The following POR variants were observed in gnomAD, a reference collection of about 807,000 sequenced individuals.
POR encodes the protein cytochrome p450 oxidoreductase, also known as NADPH--cytochrome P450 reductase.
In POR, 56 loss-of-function variants were observed where a neutral mutation model predicts 84.0. The ratio of observed to expected loss-of-function variants is 0.67; its 90% confidence interval spans 0.54 to 0.83. POR has a LOEUF of 0.83. Among genes scored for constraint, POR ranks in the 40% least tolerant of loss-of-function variants. The pLI is 0.00. For synonymous variants in POR, 414 were observed against 400.5 expected (o/e 1.03, Z -0.40); for missense variants, 938 against 944.3 (o/e 0.99, Z 0.09).
chr7:75,954,372 G>A (rs1787589546), intron 2 of POR, among the ~76,000 whole-genome samples, 192 bp downstream of exon 2: 1 of 152,058 alleles, frequency 6.6e-6, no homozygotes, highest in South Asian at 2.1e-4. Context: ...GGTTTATAAG[G>A]CCCTTTTCTA....
chr7:75,954,207 C>T, intron 2 of POR, 27 bp downstream of exon 2: 1 of 1,573,702 alleles, frequency 6.4e-7, no homozygotes, highest in Non-Finnish European at 8.7e-7. Flanking sequence ...AGCCTCCTCT[C>T]TCTGTCCCTC....
chr7:75,953,189 C>T (rs577547010), intron 1 of POR, among the ~76,000 whole-genome samples: 1 of 152,070 alleles, frequency 6.6e-6, no homozygotes, highest in Admixed American at 6.5e-5. Flanking sequence ...CGTGGCGGCG[C>T]GCGCCTGCAA....
intron 4 of POR, 49 bp from the exon 5 acceptor site, chr7:75,980,290 G>C (rs72555503): frequency 6.3e-7 from 1 of 1,587,140 alleles, no homozygotes. Flanking sequence ...GTTGAACCTT[G>C]AACAGGCTCA....
chr7:75,980,136 C>T (rs994915556), intron 4 of POR, among the ~76,000 whole-genome samples: 6 of 152,352 alleles, frequency 3.9e-5, no homozygotes, highest in East Asian at 3.9e-4. Flanking sequence ...CAGCCTAACA[C>T]GGGTGACCTT....
At chr7:75,919,374 T>TGTGC (rs1318431111) in intron 1 of POR, among the ~76,000 whole-genome samples, 4 of 147,840 alleles carry the variant, frequency 2.7e-5, no homozygotes, top group South Asian at 2.2e-4. Context: ...TGTCTGCATC[T>TGTGC]GTGCGTGCGT....
chr7:75,945,017 G>C (rs1350478595), intron 1 of POR, among the ~76,000 whole-genome samples: 1 of 152,156 alleles, frequency 6.6e-6, no homozygotes, highest in Non-Finnish European at 1.5e-5. Context: ...GCCGGGCACG[G>C]TGGCTCACTC....
At chr7:75,945,567 G>A (rs540080714) in intron 1 of POR, among the ~76,000 whole-genome samples, 6 of 152,070 alleles carry the variant, frequency 3.9e-5, no homozygotes, top group Non-Finnish European at 7.4e-5. Context: ...TGTGGGTTGC[G>A]CTGTCAGGCA....
At chr7:75,967,975 A>G (rs1788258733) in intron 2 of POR, 1 of 450,838 alleles carries the variant, frequency 2.2e-6, no homozygotes, top group Non-Finnish European at 4.5e-6. Flanking sequence ...AGTACGGAAC[A>G]GGGGATGCAC....
intron 2 of POR, among the ~76,000 whole-genome samples, chr7:75,959,546 CTG>C (rs1787840934): frequency 6.6e-6 from 1 of 152,206 alleles, no homozygotes; most frequent in Admixed American, 6.5e-5. Context: ...ACCTCTGCCT[CTG>C]GGGCTCAAGC....
chr7:75,935,512 C>T, intron 1 of POR, among the ~76,000 whole-genome samples: 1 of 151,814 alleles, frequency 6.6e-6, no homozygotes, highest in Non-Finnish European at 1.5e-5. Context: ...TCCCAAAGTG[C>T]TGGGATTATA....
At chr7:75,932,561 TTTTTAAAAACAG>T (rs1339033017) in intron 1 of POR, among the ~76,000 whole-genome samples, 1 of 150,828 alleles carries the variant, frequency 6.6e-6, no homozygotes, top group East Asian at 1.9e-4. Context: ...TTTCATGACT[TTTTTAAAAACAG>T]TTTTAATTTT....
intron 1 of POR, among the ~76,000 whole-genome samples, chr7:75,943,153 G>A (rs577931725): frequency 1.8e-4 from 27 of 152,070 alleles, no homozygotes; most frequent in African/African-American, 4.1e-4. Context: ...GGGTTTCACC[G>A]TGTTAGCCAG....
At chr7:75,944,260 C>CT (rs1787079572) in intron 1 of POR, among the ~76,000 whole-genome samples, 1 of 152,202 alleles carries the variant, frequency 6.6e-6, no homozygotes, top group Admixed American at 6.5e-5. Flanking sequence ...GGTGCAATGG[C>CT]TTACACCTGT....
At chr7:75,975,075 G>A (rs1788615421) in intron 3 of POR, among the ~76,000 whole-genome samples, 1 of 151,988 alleles carries the variant, frequency 6.6e-6, no homozygotes. Flanking sequence ...TCACCTATAT[G>A]ATTCTTTCTT....
intron 3 of POR, chr7:75,972,902 A>G: frequency 4.2e-6 from 1 of 235,480 alleles, no homozygotes; most frequent in East Asian, 1.1e-4. Flanking sequence ...GGTTCACTGC[A>G]AGCTCCACCT....
At chr7:75,940,816 C>A (rs191494582) in intron 1 of POR, among the ~76,000 whole-genome samples, 1 of 151,904 alleles carries the variant, frequency 6.6e-6, no homozygotes, top group African/African-American at 2.4e-5. Context: ...TAGGCACTCT[C>A]ATAATGGTGA....
At chr7:75,931,501 G>T (rs1311377957) in intron 1 of POR, among the ~76,000 whole-genome samples, 2 of 151,858 alleles carry the variant, frequency 1.3e-5, no homozygotes, top group Non-Finnish European at 2.9e-5. Context: ...CGAGTAGCTG[G>T]GATTACAGGC....
chr7:75,985,961 C>T lies in POR; in HGVS notation c.1708C>T (p.Arg570Cys), dbSNP rs782473648. 2.5e-5 allele frequency: 40 copies of T among 1,588,028 alleles called. 1 individual carries two copies. The East Asian group carries it at 3.2e-4, about 13-fold the overall frequency. The change falls in exon 14 of 16, where the codon CGC (arginine) becomes TGC (cysteine). Residue 570 changes from arginine (R) to cysteine (C), a missense_variant. By Grantham distance (180) the Arg-to-Cys change is radical. Coordinates refer to ENST00000461988, the MANE Select transcript of POR (RefSeq NM_000941.3). Reference sequence around the variant, plus strand: ...GGAGACGCTGCTGTACTACGGCTGCCGCCGCTCGGATGAGGACTACCTGTA... The same window carrying T: ...GGAGACGCTGCTGTACTACGGCTGCTGCCGCTCGGATGAGGACTACCTGTA...
chr7:75,934,635 G>A (rs1259518572), intron 1 of POR, among the ~76,000 whole-genome samples: 1 of 152,204 alleles, frequency 6.6e-6, no homozygotes, highest in Non-Finnish European at 1.5e-5. Flanking sequence ...TCCCATTACA[G>A]TTGTGGAGGC....
Sources: gnomAD v4.1 joint callset for allele counts (sites outside exome capture counted in the v4.1 genomes callset) on GRCh38, gnomAD v4.1.1 for gene constraint, MANE v1.5 for transcripts, NCBI Gene and HGNC (gene_info 2026-07-23, HGNC 2026-07-21) for gene names.